Variants in ZDHHC9 observed in about 807,000 individuals in gnomAD.
ZDHHC9 encodes the protein zDHHC palmitoyltransferase 9.
A neutral mutation model predicts 26.6 loss-of-function variants in ZDHHC9; 3 were observed. That is an observed-to-expected ratio of 0.11 (90% CI 0.05 to 0.29). The LOEUF is 0.29. Among genes scored for constraint, ZDHHC9 ranks in the 10% least tolerant of loss-of-function variants. The probability of loss-of-function intolerance (pLI) is 1.00; values close to 1 mark genes in which losing one functional copy is unlikely to be tolerated. For synonymous variants in ZDHHC9, 111 were observed against 109.4 expected, an observed-to-expected ratio of 1.01 and a Z score of -0.09; for missense variants, 146 against 296.4, an observed-to-expected ratio of 0.49 and a Z score of 3.73.
In ZDHHC9 at chrX:129,813,187, A is replaced by C. The variant is rs778394063; in HGVS notation, c.675-367T>G. Among the ~76,000 whole-genome samples, 15 of 112,115 alleles carry C rather than the reference A, an allele frequency of 1.3e-4. No individual in the cohort carries two copies. In the South Asian group the frequency reaches 2.2e-3, roughly 16 times the overall value. The stretch of plus-strand genomic sequence containing the variant: ...GCCAAGGTGGGCGGATCACAAGGTC[A>C]GGAGTTCGAGAACAGCCTGGCCAAC... On this transcript the variant is annotated intron_variant, in intron 7 of 10. Transcript: ENST00000357166.
chrX:129,809,326 A>G (rs1209299925), intron 10 of ZDHHC9, among the ~76,000 whole-genome samples: 2 of 112,565 alleles, frequency 1.8e-5, no homozygotes, highest in East Asian at 2.8e-4. Flanking sequence ...ATGTCCATCA[A>G]CTGATGAATG....
At chrX:129,832,033 C>G (rs1327704882) in intron 3 of ZDHHC9, among the ~76,000 whole-genome samples, 1 of 108,890 alleles carries the variant, frequency 9.2e-6, no homozygotes, top group Non-Finnish European at 1.9e-5. Flanking sequence ...AGATTTTAAG[C>G]GTTCTCACCA....
intron 3 of ZDHHC9, among the ~76,000 whole-genome samples, chrX:129,830,212 C>A (rs1244576164): frequency 8.9e-6 from 1 of 111,737 alleles, no homozygotes; most frequent in African/African-American, 3.3e-5. Context: ...AGAGCAAGGA[C>A]CTAGTCTTAT....
chrX:129,823,716 G>A lies in ZDHHC9; in HGVS notation c.450C>T (p.Pro150=). Reference sequence around the variant, plus strand: ...CACAGATGCTGCAATGGGAGGCCCGGGGAGGCCGGAAGATCTTGCATGTGT... The same window carrying A: ...CACAGATGCTGCAATGGGAGGCCCGAGGAGGCCGGAAGATCTTGCATGTGT... The part of the protein sequence containing the change: ...YCYTCKIFRP[P]RASHCSICDN... The change falls in exon 5 of 11, where the codon CCC becomes CCT. Residue 150 remains proline (P), a synonymous_variant. Coordinates refer to ENST00000357166, the MANE Select transcript of ZDHHC9 (RefSeq NM_016032.4). 4.1e-6 allele frequency: 5 copies of A among 1,212,435 alleles called. No homozygotes were observed. Among genetic ancestry groups the A allele is most frequent in the Non-Finnish European group, 5.6e-6 (5 of 895,668 alleles).
chrX:129,810,959 T>C lies in ZDHHC9; in HGVS notation c.924A>G (p.Gly308=). The C allele has an allele frequency of 8.3e-7, 1 of 1,211,282 alleles. No homozygotes were observed. Among genetic ancestry groups the C allele is most frequent in the African/African-American group, 1.7e-5 (1 of 57,679 alleles). The change falls in exon 10 of 11, where the codon GGA becomes GGG. Residue 308 remains glycine (G), a synonymous_variant. Coordinates refer to ENST00000357166, the MANE Select transcript of ZDHHC9 (RefSeq NM_016032.4). ...TCTCTTGAGTACTGGGAGGTCGACT[T>C]CCACTTTCCTCCAGTGGCAAAATAC... ...RRGILPLEES[G]SRPPSTQETS...
chrX:129,816,878 T>TTCTA (rs1927767085), intron 5 of ZDHHC9, among the ~76,000 whole-genome samples: 1 of 111,183 alleles, frequency 9.0e-6, no homozygotes, highest in Non-Finnish European at 1.9e-5. Context: ...AAATTTTTAT[T>TTCTA]TTTATTTATT....
chrX:129,806,317 A>C lies in ZDHHC9; in HGVS notation c.*53T>G. ...TGTCTCAGGTTTAACTTCTCACCTG[A>C]AATCTCTCATAGCCCTAATTAAACA... is the stretch of plus-strand genomic sequence containing the variant. On this transcript the variant is annotated 3_prime_UTR_variant, in exon 11 of 11. Transcript: ENST00000357166. 9.4e-7 allele frequency: 1 copy of C among 1,058,580 alleles called. No individual in the cohort carries two copies. The highest frequency in any genetic ancestry group is 1.9e-5 in the South Asian group (1 of 53,862). 87.2% of individuals were successfully genotyped at this position (1,058,580 alleles called of 1,213,427 possible).
intron 5 of ZDHHC9, among the ~76,000 whole-genome samples, chrX:129,819,089 C>T (rs907943072): frequency 1.3e-4 from 13 of 97,937 alleles, no homozygotes; most frequent in Non-Finnish European, 2.4e-4. Flanking sequence ...AGAAGAATGG[C>T]GTGAACCCAG....
At chrX:129,818,429 C>G (rs1927806666) in intron 5 of ZDHHC9, among the ~76,000 whole-genome samples, 1 of 112,180 alleles carries the variant, frequency 8.9e-6, no homozygotes, top group Non-Finnish European at 1.9e-5. Context: ...TTTGAGGAAC[C>G]ACCAAACTTT....
chrX:129,808,808 A>T (rs1458270379), intron 10 of ZDHHC9, among the ~76,000 whole-genome samples: 1 of 112,361 alleles, frequency 8.9e-6, no homozygotes, highest in East Asian at 2.8e-4. Context: ...ATATTTGCAA[A>T]TTGTATATCT....
intron 10 of ZDHHC9, among the ~76,000 whole-genome samples, chrX:129,807,648 G>A (rs1192126913): frequency 2.7e-5 from 3 of 109,797 alleles, no homozygotes; most frequent in Non-Finnish European, 3.8e-5. Flanking sequence ...GGCAAAACCC[G>A]GTCTCTACTA....
chrX:129,805,791 C>A lies in ZDHHC9; in HGVS notation c.*579G>T. ...TGGATGGGAGACAAAGGAGAAGCTA[C>A]ACTAATAAATACAACAAGTGGAAGG... is the stretch of plus-strand genomic sequence containing the variant. On this transcript the variant is annotated 3_prime_UTR_variant, in exon 11 of 11. Transcript: ENST00000357166. The A allele has an allele frequency of 1.7e-5, 2 of 115,991 alleles. No individual in the cohort carries two copies. The highest frequency in any genetic ancestry group is 8.8e-5 in the Admixed American group (1 of 11,412). 9.6% of individuals were successfully genotyped at this position (115,991 alleles called of 1,213,427 possible).
At position 129,813,602 on chromosome X, in the gene ZDHHC9, A is replaced by T. The variant is rs766288854; in HGVS notation, c.674+75T>A. 6 of 1,024,465 alleles carry T rather than the reference A, an allele frequency of 5.9e-6. No homozygotes were observed. The African/African-American group carries it at 1.1e-4, about 19-fold the overall frequency. 84.4% of individuals were successfully genotyped at this position (1,024,465 alleles called of 1,213,427 possible). Reference sequence around the variant, plus strand: ...GATATCTGAAAAACTAGATAGTGGGAGAACTGTGGGGAAAAAGCATGCTGG... The same window carrying T: ...GATATCTGAAAAACTAGATAGTGGGTGAACTGTGGGGAAAAAGCATGCTGG... On this transcript the variant is annotated intron_variant, in intron 7 of 10. Coordinates refer to ENST00000357166, the MANE Select transcript of ZDHHC9 (RefSeq NM_016032.4).
intron 3 of ZDHHC9, among the ~76,000 whole-genome samples, chrX:129,837,288 TC>T (rs1928283105): frequency 8.9e-6 from 1 of 112,156 alleles, no homozygotes; most frequent in African/African-American, 3.2e-5. Context: ...TTGAACATAG[TC>T]TCTGACCTTG....
rs1337114475 is a variant in ZDHHC9, at chrX:129,804,327, T to A, written c.*2043A>T. The A allele has an allele frequency of 1.8e-5, 2 of 111,051 alleles. No individual in the cohort carries two copies. The highest frequency in any genetic ancestry group is 5.6e-4 in the East Asian group (2 of 3,553). The allele number at this position is 111,051 out of a possible 1,213,427, so 9.2% of individuals were successfully genotyped here. On this transcript the variant is annotated 3_prime_UTR_variant, in exon 11 of 11. Transcript: ENST00000357166. ...GAAAAAGAAGCAGACAGGAGAGGGATCTGAGTCAGTCTCTCCCCATCTCTC... is the reference window on the plus strand; with the variant it reads ...GAAAAAGAAGCAGACAGGAGAGGGAACTGAGTCAGTCTCTCCCCATCTCTC...
chrX:129,826,234 T>G (rs1843740467), intron 4 of ZDHHC9, among the ~76,000 whole-genome samples: 1 of 110,945 alleles, frequency 9.0e-6, no homozygotes, highest in African/African-American at 3.3e-5. Flanking sequence ...CACCTTAATA[T>G]TCTATGCATA....
At position 129,823,671 on chromosome X, in the gene ZDHHC9, T is replaced by C. The variant is rs960379555; in HGVS notation, c.487+8A>G. The C allele has an allele frequency of 3.3e-6, 4 of 1,210,858 alleles. No individual in the cohort carries two copies. The highest frequency in any genetic ancestry group is 4.5e-6 in the Non-Finnish European group (4 of 895,380). ...TTCCCTAGGCAATGTCCCTGTAGTT[T>C]TACTCACCCACACAGTTGTCACAGA... is the stretch of plus-strand genomic sequence containing the variant. On this transcript the variant is annotated splice_region_variant and intron_variant, in intron 5 of 10. Transcript: ENST00000357166.
chrX:129,815,657 C>T (rs1246249400), intron 5 of ZDHHC9, among the ~76,000 whole-genome samples: 4 of 110,540 alleles, frequency 3.6e-5, no homozygotes, highest in African/African-American at 1.3e-4. Context: ...TTCTCATGTA[C>T]ACCATAAATA....
chrX:129,822,004 G>T (rs1927898706), intron 5 of ZDHHC9, among the ~76,000 whole-genome samples: 1 of 111,421 alleles, frequency 9.0e-6, no homozygotes, highest in Admixed American at 9.5e-5. Context: ...CACTGTTGGT[G>T]GGAGTGTAAA....
Sources: gnomAD v4.1 joint callset for allele counts (sites outside exome capture counted in the v4.1 genomes callset) on GRCh38, gnomAD v4.1.1 for gene constraint, MANE v1.5 for transcripts, NCBI Gene and HGNC (gene_info 2026-07-23, HGNC 2026-07-21) for gene names.